Variants in SNRK observed in about 807,000 individuals in gnomAD.
SNRK encodes SNF-related serine/threonine-protein kinase.
In SNRK, 3 loss-of-function variants were observed where a neutral mutation model predicts 48.2. The observed-to-expected ratio is 0.06, with a 90% confidence interval of 0.03 to 0.16. The LOEUF (loss-of-function observed/expected upper bound fraction) is 0.16. Ranked by LOEUF, SNRK falls within the 10% of genes least tolerant of loss-of-function variation. The pLI is 1.00. For missense variants in SNRK, 627 were observed against 976.0 expected (o/e 0.64, Z 4.76); for synonymous variants, 376 against 366.1 (o/e 1.03, Z -0.31).
rs200437182 is a variant in SNRK at position 43,347,314 on chromosome 3, T to C, written c.1080-25T>C. The C allele has an allele frequency of 8.5e-5, 129 of 1,524,448 alleles. 2 individuals carry two copies. Among genetic ancestry groups the C allele is most frequent in the African/African-American group, 2.9e-4 (21 of 71,884 alleles). 94.4% of individuals were successfully genotyped at this position (1,524,448 alleles called of 1,614,324 possible). On this transcript the variant is annotated intron_variant, in intron 6 of 6. Coordinates refer to ENST00000296088, the MANE Select transcript of SNRK (RefSeq NM_017719.5). The surrounding 1 kb of genome is among the most constrained non-coding windows in gnomAD (Gnocchi z 5.4). ...CTGCATAATGATTATATGGCTTTTT[T>C]CCCCCCAATCTATCTGTTACATAGG...
chr3:43,324,670 T>A (rs896351549), intron 3 of SNRK, among the ~76,000 whole-genome samples: 6 of 152,200 alleles, frequency 3.9e-5, no homozygotes, highest in Admixed American at 2.6e-4. Context: ...AAAGTTATAA[T>A]CCTACATGGA....
At chr3:43,295,397 G>C (rs2090845008) in intron 1 of SNRK, among the ~76,000 whole-genome samples, 1 of 152,198 alleles carries the variant, frequency 6.6e-6, no homozygotes. Context: ...GCGGCCCCTA[G>C]CCCATCAAAT....
chr3:43,343,359 C>G lies in SNRK; in HGVS notation c.960C>G (p.Asn320Lys). 6.2e-7 allele frequency: 1 copy of G among 1,607,994 alleles called. No individual in the cohort carries two copies. Among genetic ancestry groups the G allele is most frequent in the African/African-American group, 1.3e-5 (1 of 74,578 alleles). Residue 320 changes from asparagine to lysine, a missense_variant, in exon 6 of 7, where the codon AAC becomes AAG. Coordinates refer to ENST00000296088, the MANE Select transcript of SNRK (RefSeq NM_017719.5). ...TTTTCCTCAGAGCCCTGGAAACCAACAGGTATAACCATATCACAGCCACAT... is the reference window on the plus strand; with the variant it reads ...TTTTCCTCAGAGCCCTGGAAACCAAGAGGTATAACCATATCACAGCCACAT... The part of the protein sequence containing the change: ...RDAIVEALET[N>K]RYNHITATYF...
In SNRK at chr3:43,303,400, G is replaced by T; in HGVS notation, c.197G>T (p.Cys66Phe). 6.2e-7 allele frequency: 1 copy of T among 1,614,140 alleles called. No homozygotes were observed. Among genetic ancestry groups the T allele is most frequent in the Non-Finnish European group, 8.5e-7 (1 of 1,180,020 alleles). Residue 66 changes from cysteine (C) to phenylalanine (F), a missense_variant, in exon 3 of 7, where the codon TGC becomes TTC. By Grantham distance (205) the Cys-to-Phe change is radical. Coordinates refer to ENST00000296088, the MANE Select transcript of SNRK (RefSeq NM_017719.5). The surrounding 1 kb of genome is among the most constrained non-coding windows in gnomAD (Gnocchi z 6.2). ...ATGHLFQEVR[C>F]MKLVQHPNIV... ...GGTCATCTTTTCCAGGAAGTGAGAT[G>T]CATGAAACTAGTGCAGCATCCTAAC...
At chr3:43,308,369 T>C (rs949033439) in intron 3 of SNRK, among the ~76,000 whole-genome samples, 2 of 152,210 alleles carry the variant, frequency 1.3e-5, no homozygotes, top group Non-Finnish European at 2.9e-5. Flanking sequence ...TGTAGGACTT[T>C]CATAGCTAGA....
intron 3 of SNRK, among the ~76,000 whole-genome samples, chr3:43,308,443 A>G (rs1016556953): frequency 1.3e-5 from 2 of 152,184 alleles, no homozygotes; most frequent in Non-Finnish European, 2.9e-5. Context: ...TGTTATGGGT[A>G]AATGCAGCTG....
intron 3 of SNRK, among the ~76,000 whole-genome samples, chr3:43,308,543 A>G (rs779378820): frequency 2.0e-5 from 3 of 152,232 alleles, no homozygotes; most frequent in Non-Finnish European, 2.9e-5. Flanking sequence ...CCTGTGCTCT[A>G]TAAATGGAAC....
At chr3:43,317,015 T>C (rs567228915) in intron 3 of SNRK, among the ~76,000 whole-genome samples, 1 of 152,336 alleles carries the variant, frequency 6.6e-6, no homozygotes, top group Admixed American at 6.5e-5. Context: ...TTTTCGTTTG[T>C]TTGTTTGTTT....
In SNRK at chr3:43,347,546, C is replaced by T. The variant is rs772212823; in HGVS notation, c.1287C>T (p.Pro429=). The change falls in exon 7 of 7, where the codon CCC becomes CCT. Residue 429 remains proline (P), a synonymous_variant. Transcript: ENST00000296088. The surrounding 1 kb of genome is among the most constrained non-coding windows in gnomAD (Gnocchi z 5.4). The part of the protein sequence containing the change: ...LAGPALSTVP[P]ASLKPTASGR... Reference sequence around the variant, plus strand: ...GACCAGCACTCTCTACGGTGCCACCCGCAAGCTTAAAACCCACAGCCAGTG... The same window carrying T: ...GACCAGCACTCTCTACGGTGCCACCTGCAAGCTTAAAACCCACAGCCAGTG... 1.7e-5 allele frequency: 28 copies of T among 1,613,580 alleles called. No individual in the cohort carries two copies. Among genetic ancestry groups the T allele is most frequent in the Non-Finnish European group, 2.2e-5 (26 of 1,179,776 alleles).
intron 3 of SNRK, among the ~76,000 whole-genome samples, chr3:43,318,963 G>A (rs2091033201): frequency 2.0e-5 from 3 of 151,954 alleles, no homozygotes; most frequent in Admixed American, 2.0e-4. Context: ...GGGAGGTGGA[G>A]GTTGCAGTGA....
chr3:43,311,123 C>T (rs763304731), intron 3 of SNRK, among the ~76,000 whole-genome samples: 1 of 152,198 alleles, frequency 6.6e-6, no homozygotes, highest in African/African-American at 2.4e-5. Flanking sequence ...CACCATCCCT[C>T]TCTCTGTGTT....
At chr3:43,316,311 CAGT>C (rs1429080595) in intron 3 of SNRK, among the ~76,000 whole-genome samples, 3 of 151,942 alleles carry the variant, frequency 2.0e-5, no homozygotes, top group Non-Finnish European at 4.4e-5. Context: ...TGGTGGCTCT[CAGT>C]GGTCATCATC....
Position 43,347,655 on chromosome 3 carries a change from G to T in SNRK, c.1396G>T (p.Val466Phe). 6.2e-7 allele frequency: 1 copy of T among 1,613,782 alleles called. No individual in the cohort carries two copies. Among genetic ancestry groups the T allele is most frequent in the Non-Finnish European group, 8.5e-7 (1 of 1,180,028 alleles). Residue 466 changes from valine (V) to phenylalanine (F), a missense_variant, in exon 7 of 7, where the codon GTT becomes TTT. Physicochemically the swap from Val to Phe is conservative, Grantham distance 50. This residue lies in a region of SNRK where 98 missense variants were observed against 175.2 expected (regional missense o/e 0.56). Transcript: ENST00000296088. This position sits in a 1 kb window ranked among gnomAD's most constrained non-coding sequence, Gnocchi z 5.4. ...KKPMSLSTQVVLRRKPSVTNR... is the reference protein window; with the variant it reads ...KKPMSLSTQVFLRRKPSVTNR... ...ACCCATGTCCCTCTCAACACAAGTG[G>T]TTTTGCGCCGGAAGCCATCTGTAAC...
rs1341967806 is a variant in SNRK, at chr3:43,350,187, C to G, written c.*1630C>G. On this transcript the variant is annotated 3_prime_UTR_variant, in exon 7 of 7. Coordinates refer to ENST00000296088, the MANE Select transcript of SNRK (RefSeq NM_017719.5). ...AGGCTAGATGTTTTAAGCTACAGCT[C>G]TAGTTCATTGTGATATTTATAATTT... is the stretch of plus-strand genomic sequence containing the variant. 1.3e-5 allele frequency: 2 copies of G among 152,576 alleles called. No individual in the cohort carries two copies. The highest frequency in any genetic ancestry group is 1.5e-5 in the Non-Finnish European group (1 of 68,012). 9.5% of individuals were successfully genotyped at this position (152,576 alleles called of 1,614,324 possible). A position where few individuals can be genotyped will look rare whatever the true frequency, so the allele number is the denominator to read the frequency against.
At chr3:43,318,165 T>C (rs1422842063) in intron 3 of SNRK, among the ~76,000 whole-genome samples, 1 of 152,150 alleles carries the variant, frequency 6.6e-6, no homozygotes, top group East Asian at 1.9e-4. Flanking sequence ...TGGAAATTTG[T>C]CCTCGGGAAT....
intron 1 of SNRK, among the ~76,000 whole-genome samples, chr3:43,294,376 A>G (rs1292957298): frequency 6.6e-6 from 1 of 152,202 alleles, no homozygotes; most frequent in Non-Finnish European, 1.5e-5. Flanking sequence ...ATTTATACCT[A>G]TACATATATG....
intron 6 of SNRK, 104 bp downstream of exon 6, chr3:43,343,582 C>T: frequency 7.9e-7 from 1 of 1,270,636 alleles, no homozygotes; most frequent in South Asian, 1.3e-5. Flanking sequence ...CAAGAGAGTA[C>T]AAACAGTGAT....
chr3:43,341,161 T>TG (rs2091233205), intron 5 of SNRK, among the ~76,000 whole-genome samples: 2 of 152,010 alleles, frequency 1.3e-5, no homozygotes, highest in African/African-American at 4.8e-5. Context: ...TTTTTGTTTT[T>TG]TTTTTTTGAG....
At chr3:43,317,082 A>C (rs544439993) in intron 3 of SNRK, among the ~76,000 whole-genome samples, 12 of 152,340 alleles carry the variant, frequency 7.9e-5, no homozygotes, top group Non-Finnish European at 1.2e-4. Flanking sequence ...GTAAAATGAC[A>C]AAAGTGCACA....
Sources: gnomAD v4.1 joint callset for allele counts (sites outside exome capture counted in the v4.1 genomes callset) on GRCh38, gnomAD v4.1.1 for gene constraint, gnomAD v4.1.1 regional missense constraint, Gnocchi (gnomAD v3.1) non-coding constraint, MANE v1.5 for transcripts, NCBI Gene and HGNC (gene_info 2026-07-23, HGNC 2026-07-21) for gene names.